The following ADGRG7 variants were observed in gnomAD, a reference collection of about 807,000 sequenced individuals.
ADGRG7 encodes G-protein coupled receptor 128.
A neutral mutation model predicts 88.6 loss-of-function variants in ADGRG7; 82 were observed. The observed-to-expected ratio is 0.93, with a 90% confidence interval of 0.77 to 1.11. The LOEUF (loss-of-function observed/expected upper bound fraction) is 1.11. Ranked by LOEUF, ADGRG7 falls within the 50% of genes most tolerant of loss-of-function variation. ADGRG7 has a pLI of 0.00. For missense variants in ADGRG7, 945 were observed against 953.4 expected, an observed-to-expected ratio of 0.99 and a Z score of 0.12; for synonymous variants, 381 against 345.2, an observed-to-expected ratio of 1.10 and a Z score of -1.15.
intron 6 of ADGRG7, among the ~76,000 whole-genome samples, chr3:100,642,874 A>G (rs535059689): frequency 6.6e-6 from 1 of 152,370 alleles, no homozygotes; most frequent in South Asian, 2.1e-4. Flanking sequence ...GAGGAAGAAG[A>G]TGAATAAATG....
At chr3:100,650,014 A>C (rs901346307) in intron 11 of ADGRG7, among the ~76,000 whole-genome samples, 27 of 152,204 alleles carry the variant, frequency 1.8e-4, no homozygotes, top group African/African-American at 6.0e-4. Context: ...CCTTGAAAGA[A>C]AATTATATGC....
At chr3:100,643,127 T>C (rs1707673338) in intron 6 of ADGRG7, 139 bp from the exon 7 acceptor site, 2 of 763,248 alleles carry the variant, frequency 2.6e-6, no homozygotes, top group African/African-American at 1.8e-5. Context: ...AGAAAACCAA[T>C]TATTCTTAGG....
At chr3:100,657,572 A>C (rs2094939352) in intron 13 of ADGRG7, among the ~76,000 whole-genome samples, 2 of 152,240 alleles carry the variant, frequency 1.3e-5, no homozygotes, top group Non-Finnish European at 1.5e-5. Flanking sequence ...GGGGAATTAT[A>C]ATTGGGGGGA....
intron 10 of ADGRG7, among the ~76,000 whole-genome samples, chr3:100,647,055 G>A (rs1019096203): frequency 6.6e-6 from 1 of 152,116 alleles, no homozygotes; most frequent in Non-Finnish European, 1.5e-5. Flanking sequence ...TACTCAGGAG[G>A]CTGAGGCAGG....
At chr3:100,621,059 C>A (rs938958247) in intron 1 of ADGRG7, among the ~76,000 whole-genome samples, 2 of 152,084 alleles carry the variant, frequency 1.3e-5, no homozygotes, top group African/African-American at 4.8e-5. Flanking sequence ...CCGTGAACCA[C>A]GTCCATGTAA....
Position 100,655,135 on chromosome 3 carries a change from G to A in ADGRG7, c.1680G>A (p.Lys560=). ...QLYYLLIRTM[K]PLPRHFILFI... is the part of the protein sequence containing the mutation. ...ATTACCTTCTAATAAGGACCATGAA[G>A]CCTCTTCCTCGGCATTTCATTCTTT... Residue 560 remains lysine (K), a synonymous_variant, in exon 12 of 16, where the codon AAG becomes AAA. Coordinates refer to ENST00000273352, the MANE Select transcript of ADGRG7 (RefSeq NM_032787.3). 2 of 1,613,212 alleles carry A rather than the reference G, an allele frequency of 1.2e-6. No individual in the cohort carries two copies. The highest frequency in any genetic ancestry group is 1.7e-6 in the Non-Finnish European group (2 of 1,179,442).
At chr3:100,656,813 T>C (rs1165526854) in intron 13 of ADGRG7, among the ~76,000 whole-genome samples, 1 of 152,136 alleles carries the variant, frequency 6.6e-6, no homozygotes, top group Non-Finnish European at 1.5e-5. Context: ...CCAGGGCTGA[T>C]CATGCCCAAC....
chr3:100,622,331 A>G (rs1286138419), intron 1 of ADGRG7, among the ~76,000 whole-genome samples: 1 of 143,842 alleles, frequency 7.0e-6, no homozygotes, highest in Non-Finnish European at 1.5e-5. Context: ...TGAAAAGACT[A>G]TCCTCTCTCC....
At chr3:100,652,712 C>T (rs1300328202) in intron 11 of ADGRG7, among the ~76,000 whole-genome samples, 2 of 151,978 alleles carry the variant, frequency 1.3e-5, no homozygotes, top group African/African-American at 4.8e-5. Context: ...TGGGCTAGCA[C>T]AGAATATATA....
At chr3:100,621,143 A>T (rs758072568) in intron 1 of ADGRG7, among the ~76,000 whole-genome samples, 4 of 152,082 alleles carry the variant, frequency 2.6e-5, no homozygotes, top group Non-Finnish European at 5.9e-5. Context: ...CTCAACTCTC[A>T]TACTCTTCTC....
At chr3:100,659,437 CT>C (rs1559683028) in intron 13 of ADGRG7, among the ~76,000 whole-genome samples, 1 of 34,968 alleles carries the variant, frequency 2.9e-5, no homozygotes, top group African/African-American at 7.5e-5. Context: ...AAGACTCAGT[CT>C]CAAAAAAAAA....
intron 11 of ADGRG7, among the ~76,000 whole-genome samples, chr3:100,652,818 T>A (rs991312552): frequency 6.6e-6 from 1 of 151,672 alleles, no homozygotes; most frequent in Non-Finnish European, 1.5e-5. Flanking sequence ...CATACTGCCT[T>A]CTGAAAATTG....
intron 15 of ADGRG7, among the ~76,000 whole-genome samples, chr3:100,685,806 G>A (rs1462086470): frequency 6.6e-6 from 1 of 152,126 alleles, no homozygotes; most frequent in Non-Finnish European, 1.5e-5. Flanking sequence ...CCAAGTCTTT[G>A]CTATTGTGAA....
chr3:100,668,115 C>CA (rs1358150287), intron 14 of ADGRG7, among the ~76,000 whole-genome samples: 2 of 152,212 alleles, frequency 1.3e-5, no homozygotes, highest in Non-Finnish European at 2.9e-5. Context: ...GGGCTGCACC[C>CA]ACTGTCCAAT....
At chr3:100,618,363 G>C (rs1474802891) in intron 1 of ADGRG7, among the ~76,000 whole-genome samples, 2 of 152,186 alleles carry the variant, frequency 1.3e-5, no homozygotes, top group Non-Finnish European at 2.9e-5. Flanking sequence ...TAACATTTAA[G>C]TATTTAATCC....
At chr3:100,633,864 G>A (rs1237986481) in intron 4 of ADGRG7, among the ~76,000 whole-genome samples, 1 of 152,060 alleles carries the variant, frequency 6.6e-6, no homozygotes, top group Non-Finnish European at 1.5e-5. Context: ...ATCAGTTTGT[G>A]AAAAAGGACT....
chr3:100,675,436 G>T, intron 15 of ADGRG7, among the ~76,000 whole-genome samples: 1 of 152,244 alleles, frequency 6.6e-6, no homozygotes, highest in Admixed American at 6.5e-5. Context: ...GCATTTCTGG[G>T]ATAAATTCTA....
At chr3:100,618,693 G>A (rs929355231) in intron 1 of ADGRG7, among the ~76,000 whole-genome samples, 48 of 152,116 alleles carry the variant, frequency 3.2e-4, no homozygotes, top group Non-Finnish European at 3.7e-4. Flanking sequence ...TTGACTTGGC[G>A]ATGCGGGCTC....
intron 15 of ADGRG7, among the ~76,000 whole-genome samples, chr3:100,688,574 G>T (rs2094987373): frequency 6.6e-6 from 1 of 152,154 alleles, no homozygotes; most frequent in African/African-American, 2.4e-5. Flanking sequence ...CTGGTGTGTT[G>T]TGTCTTTGTT....
Sources: gnomAD v4.1 joint callset for allele counts (sites outside exome capture counted in the v4.1 genomes callset) on GRCh38, gnomAD v4.1.1 for gene constraint, MANE v1.5 for transcripts, NCBI Gene and HGNC (gene_info 2026-07-23, HGNC 2026-07-21) for gene names.